The following RIMS2 variants were observed in gnomAD, a reference collection of about 807,000 sequenced individuals.
The protein encoded by RIMS2 is regulating synaptic membrane exocytosis protein 2.
A neutral mutation model predicts 174.4 loss-of-function variants in RIMS2; 59 were observed. That is an observed-to-expected ratio of 0.34 (90% confidence interval 0.27 to 0.42). The LOEUF (loss-of-function observed/expected upper bound fraction) is 0.42. Among genes scored for constraint, RIMS2 ranks in the 10% least tolerant of loss-of-function variants. The pLI is 1.00. For missense variants in RIMS2, 1,620 were observed against 1,666.3 expected (o/e 0.97, Z 0.48); for synonymous variants, 606 against 572.5 (o/e 1.06, Z -0.84).
chr8:103,558,785 C>T (rs2091016410), intron 1 of RIMS2, among the ~76,000 whole-genome samples: 1 of 152,086 alleles, frequency 6.6e-6, no homozygotes, highest in African/African-American at 2.4e-5. Context: ...TTAAAAATGG[C>T]TGACCCAAAC....
chr8:104,097,803 T>G lies in RIMS2; in HGVS notation c.3334+83188T>G, dbSNP rs79590432. ...TATATCTTTTATTTGAAATCTAAGT[T>G]TTATGAAGCATGGTCCAAAAGTAAT... On this transcript the variant is annotated intron_variant, in intron 19 of 23. Coordinates refer to ENST00000504942, the Ensembl canonical transcript of RIMS2. Among the ~76,000 whole-genome samples the G allele has an allele frequency of 8.8e-3, 1,343 of 152,324 alleles. 15 individuals are homozygous for G. Among genetic ancestry groups the G allele is most frequent in the Non-Finnish European group, 0.013 (918 of 68,018 alleles).
rs576660766 is a variant in RIMS2 at position 103,984,238 on chromosome 8, A to G, written c.2928-5067A>G. 1.8e-4 allele frequency among the ~76,000 whole-genome samples: 27 copies of G among 152,296 alleles called. 1 individual carries two copies. The highest frequency in any genetic ancestry group is 1.3e-4 in the Admixed American group (2 of 15,286). ...ATATCAAGTTAAAAAGCTTCTGCAC[A>G]GCAAAGGAAATAATGAAGATACAAC... On this transcript the variant is annotated intron_variant, in intron 16 of 23. Coordinates refer to ENST00000504942, the Ensembl canonical transcript of RIMS2.
chr8:104,093,578 T>C (rs749134162), intron 19 of RIMS2: 2 of 1,597,686 alleles, frequency 1.3e-6, no homozygotes, highest in East Asian at 4.5e-5. Context: ...GTAGTGCTTC[T>C]CGTTTCAGCA....
At chr8:103,975,451 G>A in exon 16 of RIMS2, 1 of 1,612,980 alleles carries the variant, frequency 6.2e-7, no homozygotes, top group Non-Finnish European at 8.5e-7. Context: ...TCCTCATCGA[G>A]TAGATGTTAT....
chr8:103,978,506 G>A (rs2093636510), intron 16 of RIMS2, among the ~76,000 whole-genome samples: 1 of 152,176 alleles, frequency 6.6e-6, no homozygotes. Context: ...ACAAAGACTG[G>A]ACCAAGGGCC....
chr8:103,662,578 CCAT>C (rs1209529830), intron 1 of RIMS2, among the ~76,000 whole-genome samples: 3 of 151,948 alleles, frequency 2.0e-5, no homozygotes, highest in African/African-American at 7.3e-5. Context: ...CTATTTATCA[CCAT>C]ATTTTTATTT....
At chr8:104,043,821 T>C (rs1299839552) in intron 19 of RIMS2, among the ~76,000 whole-genome samples, 1 of 151,676 alleles carries the variant, frequency 6.6e-6, no homozygotes, top group East Asian at 1.9e-4. Flanking sequence ...CAAATTTTGA[T>C]GCTAGCATTT....
chr8:103,809,251 T>C (rs1371305834), intron 3 of RIMS2, among the ~76,000 whole-genome samples: 1 of 152,042 alleles, frequency 6.6e-6, no homozygotes, highest in African/African-American at 2.4e-5. Flanking sequence ...TCCATGTTTC[T>C]CATCTTGAAT....
intron 2 of RIMS2, among the ~76,000 whole-genome samples, chr8:103,750,265 C>A (rs1005055495): frequency 3.3e-5 from 5 of 151,980 alleles, no homozygotes; most frequent in Admixed American, 3.3e-4. Context: ...TTCCCCATTA[C>A]AAAATGTGGT....
At chr8:103,767,909 G>T (rs1207950042) in intron 3 of RIMS2, among the ~76,000 whole-genome samples, 2 of 152,166 alleles carry the variant, frequency 1.3e-5, no homozygotes, top group Non-Finnish European at 2.9e-5. Context: ...AAGGAAGTTG[G>T]AGTATTTAAT....
intron 4 of RIMS2, among the ~76,000 whole-genome samples, chr8:103,886,478 T>C (rs2099202359): frequency 6.6e-6 from 1 of 151,956 alleles, no homozygotes; most frequent in Non-Finnish European, 1.5e-5. Flanking sequence ...AGTTTTCTTG[T>C]ATCATTTGAC....
rs879019050 is a variant in RIMS2, at chr8:103,608,387, C to G, written c.177-88699C>G. Among the ~76,000 whole-genome samples, 128 of 127,042 alleles carry G rather than the reference C, an allele frequency of 1.0e-3. 12 individuals are homozygous for G. Among genetic ancestry groups the G allele is most frequent in the African/African-American group, 3.9e-3 (121 of 31,288 alleles). The allele number at this position is 127,042 out of a possible 152,430, so 83.3% of individuals were successfully genotyped here. On this transcript the variant is annotated intron_variant, in intron 1 of 23. Coordinates refer to ENST00000504942, the Ensembl canonical transcript of RIMS2. ...GCTGCGTACTGGGAGAACCACTGCTCTCTTCAAAGCTGTCAGACAGGGACA... is the reference window on the plus strand; with the variant it reads ...GCTGCGTACTGGGAGAACCACTGCTGTCTTCAAAGCTGTCAGACAGGGACA...
chr8:103,752,219 A>T (rs187414034), intron 2 of RIMS2, among the ~76,000 whole-genome samples: 54,895 of 151,818 alleles, frequency 0.36, 10,606 homozygotes, highest in East Asian at 0.77. Context: ...TCCTTTCCCC[A>T]TTGCTTGTTT....
intron 3 of RIMS2, among the ~76,000 whole-genome samples, chr8:103,771,729 A>G (rs1391929060): frequency 1.3e-5 from 2 of 152,134 alleles, no homozygotes; most frequent in Non-Finnish European, 2.9e-5. Context: ...CTCCTCGGCC[A>G]TGAGATAAAC....
At chr8:103,923,848 A>G (rs944683287) in intron 10 of RIMS2, among the ~76,000 whole-genome samples, 5 of 151,752 alleles carry the variant, frequency 3.3e-5, no homozygotes, top group Admixed American at 3.3e-4. Context: ...TATAATCCTG[A>G]CACTGAAATA....
intron 1 of RIMS2, among the ~76,000 whole-genome samples, chr8:103,685,210 G>C (rs1030710616): frequency 2.0e-5 from 3 of 151,606 alleles, no homozygotes; most frequent in African/African-American, 4.8e-5. Flanking sequence ...TTTGGCTCAT[G>C]GTTCTGCAAG....
At chr8:104,147,319 A>G (rs577714223) in intron 19 of RIMS2, among the ~76,000 whole-genome samples, 9 of 152,180 alleles carry the variant, frequency 5.9e-5, no homozygotes, top group African/African-American at 1.9e-4. Flanking sequence ...TCTTAAAACA[A>G]ATGTGAGGGA....
intron 19 of RIMS2, among the ~76,000 whole-genome samples, chr8:104,193,136 A>G (rs906136980): frequency 1.3e-4 from 16 of 119,264 alleles, no homozygotes; most frequent in Non-Finnish European, 2.8e-4. Flanking sequence ...AATTTTCTAC[A>G]TGTTTAATGT....
chr8:103,653,495 G>A (rs911670098), intron 1 of RIMS2, among the ~76,000 whole-genome samples: 4 of 152,222 alleles, frequency 2.6e-5, no homozygotes, highest in African/African-American at 9.6e-5. Context: ...CAACCACTTA[G>A]CCTCTGTGCT....
Sources: allele counts gnomAD v4.1 joint callset (sites outside exome capture counted in the v4.1 genomes callset), GRCh38; gene constraint gnomAD v4.1.1; transcripts MANE v1.5; gene names NCBI Gene and HGNC (gene_info 2026-07-23, HGNC 2026-07-21).